Variants in DST observed in about 807,000 individuals in gnomAD.
DST encodes dystonin, also known as bullous pemphigoid antigen.
In DST, 253 loss-of-function variants were observed where a neutral mutation model predicts 875.2. The ratio of observed to expected loss-of-function variants is 0.29; its 90% CI spans 0.26 to 0.32. The LOEUF (loss-of-function observed/expected upper bound fraction) is 0.32, where lower values mean the gene tolerates loss of function less well. Ranked by LOEUF, DST falls within the 10% of genes least tolerant of loss-of-function variation. The probability of loss-of-function intolerance (pLI) is 1.00; values close to 1 mark genes in which losing one functional copy is unlikely to be tolerated. For missense variants in DST, 8,287 were observed against 9,111.6 expected, an observed-to-expected ratio of 0.91 and a Z score of 3.68; for synonymous variants, 3,124 against 3,197.1, an observed-to-expected ratio of 0.98 and a Z score of 0.77.
At chr6:56,612,053 T>C (rs148373333) in intron 37 of DST, among the ~76,000 whole-genome samples, 138 of 152,282 alleles carry the variant, frequency 9.1e-4, no homozygotes, top group African/African-American at 3.1e-3. Context: ...AAAGTAATAA[T>C]CTGTAGGTAT....
chr6:56,486,134 C>T (rs1415066021), intron 87 of DST, among the ~76,000 whole-genome samples: 3 of 152,104 alleles, frequency 2.0e-5, no homozygotes, highest in East Asian at 1.9e-4. Flanking sequence ...GAGGCCGAGG[C>T]GGGCGGATCA....
At chr6:56,672,246 G>A (rs970921720) in intron 9 of DST, among the ~76,000 whole-genome samples, 1 of 152,166 alleles carries the variant, frequency 6.6e-6, no homozygotes, top group Non-Finnish European at 1.5e-5. Flanking sequence ...GACTTCACTT[G>A]TTGGAAATGA....
Position 56,604,346 on chromosome 6 carries a change from G to A in DST, c.10282C>T (p.Pro3428Ser), listed in dbSNP as rs2098474723. 1.2e-6 allele frequency: 2 copies of A among 1,612,174 alleles called. No individual in the cohort carries two copies. Among genetic ancestry groups the A allele is most frequent in the South Asian group, 2.2e-5 (2 of 90,980 alleles). Residue 3428 changes from proline to serine, a missense_variant, in exon 40 of 104, where the codon CCA becomes TCA. Pro to Ser is a moderately conservative substitution (Grantham distance 74). This residue lies in a region of DST where 3,138 missense variants were observed against 3,116.6 expected (regional missense o/e 1.01). Coordinates refer to ENST00000680361, the MANE Select transcript of DST (RefSeq NM_001374736.1). ...CAGAAAGGATCATCTCTACTTTCTGGCTTTAGTTCTGATGAGTTAGTCATG... is the reference window on the plus strand; with the variant it reads ...CAGAAAGGATCATCTCTACTTTCTGACTTTAGTTCTGATGAGTTAGTCATG... ...SPMTNSSELK[P>S]ESRDDPFCIG... is the part of the protein sequence containing the mutation.
chr6:56,728,558 C>A (rs1411163242), intron 5 of DST, among the ~76,000 whole-genome samples: 1 of 152,092 alleles, frequency 6.6e-6, no homozygotes, highest in Non-Finnish European at 1.5e-5. Context: ...TGCCTGTAAT[C>A]CCAGCTGCTC....
rs757004287 is a variant in DST, at chr6:56,607,312, A to C, written c.7316T>G (p.Leu2439Ter). 1 of 1,613,462 alleles carries C rather than the reference A, an allele frequency of 6.2e-7. No individual in the cohort carries two copies. The highest frequency in any genetic ancestry group is 1.1e-5 in the South Asian group (1 of 91,074). ...FDYSPRLSAL[L>*]SHDKLMHSQG... ...ACTGTGCATCAATTTATCATGACTT[A>C]ACAAGGCACTTAGCCTGGGGGAATA... The change falls in exon 40 of 104, where the codon TTA becomes TGA. Residue 2439 changes from leucine to a stop codon, truncating the protein, a stop_gained. Transcript: ENST00000680361. LOFTEE classifies it high-confidence loss of function.
chr6:56,526,647 T>C (rs2096802506), intron 68 of DST, 80 bp from the exon 69 acceptor site: 1 of 1,308,404 alleles, frequency 7.6e-7, no homozygotes, highest in African/African-American at 1.5e-5. Flanking sequence ...GCTCAAGTCC[T>C]TTGCAGGCGA....
At chr6:56,647,364 T>C (rs534757582) in intron 13 of DST, among the ~76,000 whole-genome samples, 3 of 152,160 alleles carry the variant, frequency 2.0e-5, no homozygotes, top group African/African-American at 4.8e-5. Context: ...AAGTATCATA[T>C]CATCAGATGC....
At chr6:56,465,101 G>A (rs1347460785) in intron 99 of DST, among the ~76,000 whole-genome samples, 1 of 152,136 alleles carries the variant, frequency 6.6e-6, no homozygotes, top group East Asian at 1.9e-4. Context: ...TCTCTCGCAG[G>A]TGTGTCTTTG....
chr6:56,789,536 G>A (rs1190254663), intron 4 of DST, among the ~76,000 whole-genome samples: 1 of 151,690 alleles, frequency 6.6e-6, no homozygotes, highest in African/African-American at 2.4e-5. Flanking sequence ...TCACATTATT[G>A]TGCAATCAAT....
At chr6:56,462,003 C>T (rs997558200) in intron 102 of DST, 2 of 152,172 alleles carry the variant, frequency 1.3e-5, no homozygotes, top group Non-Finnish European at 2.9e-5. Flanking sequence ...TTTTTCTCTG[C>T]CTGTCACTTA....
chr6:56,811,868 G>T (rs2099760325), intron 4 of DST, among the ~76,000 whole-genome samples: 1 of 151,988 alleles, frequency 6.6e-6, no homozygotes, highest in Non-Finnish European at 1.5e-5. Flanking sequence ...GCCAAGGCAG[G>T]TAGATCACTT....
chr6:56,900,315 A>C (rs1748158953), intron 3 of DST, 106 bp downstream of exon 3: 1 of 959,940 alleles, frequency 1.0e-6, no homozygotes, highest in Non-Finnish European at 1.5e-6. Context: ...GAATAACAAC[A>C]ACCTAATTAT....
chr6:56,724,258 A>T (rs1051968597), intron 5 of DST, among the ~76,000 whole-genome samples: 1 of 152,246 alleles, frequency 6.6e-6, no homozygotes, highest in African/African-American at 2.4e-5. Flanking sequence ...AAACCCATTA[A>T]CTAGGACAAT....
chr6:56,760,050 T>C (rs3002010), intron 4 of DST, among the ~76,000 whole-genome samples: 37,968 of 152,130 alleles, frequency 0.25, 6,490 homozygotes, highest in African/African-American at 0.48. Flanking sequence ...ATAAAGGATA[T>C]TTTGGTTCTT....
chr6:56,485,929 C>T (rs892653842), intron 87 of DST, among the ~76,000 whole-genome samples: 2 of 152,154 alleles, frequency 1.3e-5, no homozygotes, highest in African/African-American at 4.8e-5. Flanking sequence ...TAGACACGCC[C>T]TGCCCCCGCC....
intron 2 of DST, among the ~76,000 whole-genome samples, chr6:56,938,108 C>CTCTCTCTATATATATATATATATATA (rs1383243392): frequency 8.3e-6 from 1 of 120,754 alleles, no homozygotes; most frequent in Admixed American, 8.2e-5. Flanking sequence ...CTCTCTCTCT[C>CTCTCTCTATATATATATATATATATA]TATATATATA....
intron 4 of DST, among the ~76,000 whole-genome samples, chr6:56,736,898 G>A (rs1190278716): frequency 1.3e-5 from 2 of 152,172 alleles, no homozygotes; most frequent in African/African-American, 4.8e-5. Context: ...CAAGGGTCAG[G>A]TGTGGTGGCT....
At chr6:56,819,963 ACAAGT>A (rs371465832) in intron 4 of DST, among the ~76,000 whole-genome samples, 10 of 152,248 alleles carry the variant, frequency 6.6e-5, no homozygotes, top group Admixed American at 3.3e-4. Context: ...AATTATTGAA[ACAAGT>A]CATAAAATAA....
At position 56,606,937 on chromosome 6, in the gene DST, C is replaced by A; in HGVS notation, c.7691G>T (p.Gly2564Val). ...CACAATGGCATTATCAGTATCACCC[C>A]CTGGAGTCACAGCACAGGAATACTC... ...IEEYSCAVTP[G>V]GDTDNAIVSL... Residue 2564 changes from glycine (G) to valine (V), a missense_variant, in exon 40 of 104, where the codon GGG (glycine) becomes GTG (valine). Coordinates refer to ENST00000680361, the MANE Select transcript of DST (RefSeq NM_001374736.1). 1.2e-6 allele frequency: 2 copies of A among 1,613,394 alleles called. No homozygotes were observed. Among genetic ancestry groups the A allele is most frequent in the Non-Finnish European group, 1.7e-6 (2 of 1,179,578 alleles).
Sources: gnomAD v4.1 joint callset for allele counts (sites outside exome capture counted in the v4.1 genomes callset) on GRCh38, gnomAD v4.1.1 for gene constraint, gnomAD v4.1.1 regional missense constraint, MANE v1.5 for transcripts, NCBI Gene and HGNC (gene_info 2026-07-23, HGNC 2026-07-21) for gene names.